Variants in EYA2 observed in about 807,000 individuals in gnomAD.
EYA2 encodes the protein EYA transcriptional coactivator and phosphatase 2, also known as protein phosphatase EYA2.
EYA2 carries 31 observed loss-of-function variants against 69.2 expected under a neutral mutation model. The ratio of observed to expected loss-of-function variants is 0.45; its 90% CI spans 0.34 to 0.60. The LOEUF is 0.60. Ranked by LOEUF, EYA2 falls within the 20% of genes least tolerant of loss-of-function variation. EYA2 has a pLI of 0.02. For missense variants in EYA2, 622 were observed against 701.2 expected (o/e 0.89, Z 1.28); for synonymous variants, 257 against 279.4 (o/e 0.92, Z 0.80).
At chr20:47,157,353 CAAAAAAAAAAAAAA>C (rs57425490) in intron 10 of EYA2, among the ~76,000 whole-genome samples, 649 of 60,794 alleles carry the variant, frequency 0.011, 6 homozygotes, top group Middle Eastern at 0.024. Flanking sequence ...GACTCCGTCT[CAAAAAAAAAAAAAA>C]AAAAAAAAAA....
At chr20:47,002,122 C>T (rs1245844141) in intron 3 of EYA2, among the ~76,000 whole-genome samples, 1 of 151,732 alleles carries the variant, frequency 6.6e-6, no homozygotes, top group Non-Finnish European at 1.5e-5. Context: ...CTTTCCCTTC[C>T]TCTCTTCCCT....
intron 12 of EYA2, among the ~76,000 whole-genome samples, chr20:47,174,527 G>A (rs77296618): frequency 0.021 from 3,174 of 152,218 alleles, 92 homozygotes; most frequent in African/African-American, 0.07. Context: ...GTTCCCCTGC[G>A]TCTTCTACTG....
intron 9 of EYA2, chr20:47,117,804 C>A: frequency 1.5e-6 from 1 of 662,266 alleles, no homozygotes; most frequent in South Asian, 6.8e-5. Flanking sequence ...CCCCCTTCTA[C>A]CTTGAAATGT....
At chr20:47,073,582 A>G (rs937059585) in intron 6 of EYA2, among the ~76,000 whole-genome samples, 2 of 152,022 alleles carry the variant, frequency 1.3e-5, no homozygotes, top group Admixed American at 6.5e-5. Flanking sequence ...TATACCAGGC[A>G]CTGTTTCAGG....
chr20:47,168,805 G>C lies in EYA2; in HGVS notation c.979-334G>C, dbSNP rs530163102. On this transcript the variant is annotated intron_variant, in intron 10 of 15. Transcript: ENST00000327619. The stretch of plus-strand genomic sequence containing the variant: ...ATGTCTGGCCATACTTGGGAAGCTG[G>C]GGACCTAGGGGAGTCCTGGTTTGAA... Among the ~76,000 whole-genome samples, 9 of 152,280 alleles carry C rather than the reference G, an allele frequency of 5.9e-5. No homozygotes were observed. In the East Asian group the frequency reaches 1.2e-3, roughly 20 times the overall value.
chr20:47,004,887 G>C (rs572813458), intron 3 of EYA2, 55 bp from the exon 4 acceptor site: 1 of 1,613,344 alleles, frequency 6.2e-7, no homozygotes, highest in Non-Finnish European at 8.5e-7. Flanking sequence ...TCAAGATAAG[G>C]AAGAAGGGGT....
chr20:46,908,303 C>T (rs1236963246), intron 1 of EYA2, among the ~76,000 whole-genome samples: 1 of 152,120 alleles, frequency 6.6e-6, no homozygotes, highest in Non-Finnish European at 1.5e-5. Context: ...GAAAAAAGGT[C>T]AAGAGAAGCT....
intron 10 of EYA2, among the ~76,000 whole-genome samples, chr20:47,143,653 G>A (rs1402742657): frequency 2.6e-5 from 4 of 152,118 alleles, no homozygotes; most frequent in African/African-American, 9.7e-5. Context: ...TCCTGAGCCC[G>A]TAAGCAAGAT....
intron 1 of EYA2, among the ~76,000 whole-genome samples, chr20:46,959,247 T>C (rs967648333): frequency 6.6e-6 from 1 of 152,206 alleles, no homozygotes; most frequent in Non-Finnish European, 1.5e-5. Context: ...TCTGGTTGCA[T>C]TTGCATCTGT....
intron 5 of EYA2, among the ~76,000 whole-genome samples, chr20:47,016,500 A>G (rs977206142): frequency 2.6e-5 from 4 of 152,226 alleles, no homozygotes; most frequent in African/African-American, 9.6e-5. Context: ...AAGTCGGCAA[A>G]TAAGCCAGAT....
chr20:47,107,322 C>A (rs1032914832), intron 9 of EYA2, among the ~76,000 whole-genome samples: 2 of 151,782 alleles, frequency 1.3e-5, no homozygotes, highest in East Asian at 3.9e-4. Context: ...GCCAGGAGTT[C>A]GAGACCAGCC....
chr20:47,047,320 C>T (rs1019090148), intron 5 of EYA2, among the ~76,000 whole-genome samples: 4 of 152,082 alleles, frequency 2.6e-5, no homozygotes, highest in African/African-American at 9.7e-5. Context: ...TAGGGCAGGT[C>T]ACGCAGAGGA....
chr20:47,149,036 T>G (rs959944218), intron 10 of EYA2, among the ~76,000 whole-genome samples: 1 of 151,388 alleles, frequency 6.6e-6, no homozygotes, highest in Non-Finnish European at 1.5e-5. Flanking sequence ...GAGACTGTGC[T>G]ACTGCACTCC....
At chr20:46,898,218 G>A (rs1983906390) in intron 1 of EYA2, among the ~76,000 whole-genome samples, 1 of 150,926 alleles carries the variant, frequency 6.6e-6, no homozygotes, top group Non-Finnish European at 1.5e-5. Flanking sequence ...GGTTTTGTTG[G>A]TGGAAGGAAC....
chr20:47,178,335 CAAAAAAAA>C (rs11482454), intron 12 of EYA2, among the ~76,000 whole-genome samples: 3 of 122,406 alleles, frequency 2.5e-5, no homozygotes, highest in Non-Finnish European at 5.3e-5. Context: ...GATCTTGTCT[CAAAAAAAA>C]AAAAAAAAGA....
intron 9 of EYA2, among the ~76,000 whole-genome samples, chr20:47,128,680 C>A (rs2033260453): frequency 6.6e-6 from 1 of 152,080 alleles, no homozygotes; most frequent in South Asian, 2.1e-4. Context: ...AGATTTGAAT[C>A]CCAGCTCTGC....
intron 9 of EYA2, among the ~76,000 whole-genome samples, chr20:47,101,934 C>T (rs1462583018): frequency 6.6e-6 from 1 of 152,236 alleles, no homozygotes; most frequent in Non-Finnish European, 1.5e-5. Context: ...CCCAGCACTG[C>T]AGCCATGTGA....
intron 1 of EYA2, chr20:46,978,574 C>G (rs143033887): frequency 5.6e-6 from 3 of 534,604 alleles, no homozygotes; most frequent in East Asian, 1.1e-4. Flanking sequence ...AGGCTGTGTT[C>G]GGAACTCTTT....
At position 47,000,244 on chromosome 20, in the gene EYA2, G is replaced by T. The variant is rs141867220; in HGVS notation, c.110-1184G>T. On this transcript the variant is annotated intron_variant, in intron 2 of 15. Transcript: ENST00000327619. Reference sequence around the variant, plus strand: ...CGTAATAAGCACTGGGTAAATGATGGCTATCAGCATCATCTCATTTAATCC... The same window carrying T: ...CGTAATAAGCACTGGGTAAATGATGTCTATCAGCATCATCTCATTTAATCC... Among the ~76,000 whole-genome samples, 577 of 152,312 alleles carry T rather than the reference G, an allele frequency of 3.8e-3. 6 individuals are homozygous for T. The highest frequency in any genetic ancestry group is 0.013 in the African/African-American group (551 of 41,568).
Sources: gnomAD v4.1 joint callset for allele counts (sites outside exome capture counted in the v4.1 genomes callset) on GRCh38, gnomAD v4.1.1 for gene constraint, MANE v1.5 for transcripts, NCBI Gene and HGNC (gene_info 2026-07-23, HGNC 2026-07-21) for gene names.